PCDH15: variants seen among roughly 807,000 people sequenced by gnomAD.
PCDH15 encodes the protein protocadherin related 15, also known as protocadherin-15.
In PCDH15, 129 loss-of-function variants were observed where a neutral mutation model predicts 178.5. The observed-to-expected ratio is 0.72, with a 90% CI of 0.63 to 0.84. The LOEUF (loss-of-function observed/expected upper bound fraction) is 0.84, where lower values mean the gene tolerates loss of function less well. Among genes scored for constraint, PCDH15 ranks in the 40% least tolerant of loss-of-function variants. The pLI is 0.00. For missense variants in PCDH15, 2,230 were observed against 2,099.9 expected (o/e 1.06, Z -1.21); for synonymous variants, 800 against 732.0 (o/e 1.09, Z -1.50).
chr10:55,051,398 A>T (rs2131988060), intron 2 of PCDH15, among the ~76,000 whole-genome samples: 1 of 152,278 alleles, frequency 6.6e-6, no homozygotes, highest in Non-Finnish European at 1.5e-5. Flanking sequence ...AACAGTAGCA[A>T]TACCATTCTT....
chr10:55,434,195 C>T lies in PCDH15; in HGVS notation c.-156+193430G>A, dbSNP rs887797136. ...TCCCGGGTTCACGCCATTCTCCTGC[C>T]TCAGCCTCCCTACAGGCGCCTGCCG... On this transcript the variant is annotated intron_variant, in intron 2 of 5. Coordinates refer to the PCDH15 transcript ENST00000613346. 5.5e-5 allele frequency among the ~76,000 whole-genome samples: 8 copies of T among 146,480 alleles called. No homozygotes were observed. The East Asian group carries it at 1.5e-3, about 27-fold the overall frequency.
At chr10:55,424,812 A>G in intron 2 of PCDH15, among the ~76,000 whole-genome samples, 1 of 152,190 alleles carries the variant, frequency 6.6e-6, no homozygotes, top group Admixed American at 6.5e-5. Flanking sequence ...ATCAATTTCT[A>G]GGCCTCTGCT....
chr10:55,024,511 A>G (rs1424635349), intron 2 of PCDH15, among the ~76,000 whole-genome samples: 1 of 151,398 alleles, frequency 6.6e-6, no homozygotes, highest in Non-Finnish European at 1.5e-5. Flanking sequence ...ATTCAGATGT[A>G]AATTCCATAC....
intron 1 of PCDH15, among the ~76,000 whole-genome samples, chr10:55,219,941 A>G (rs1462433602): frequency 6.6e-6 from 1 of 151,722 alleles, no homozygotes; most frequent in Non-Finnish European, 1.5e-5. Flanking sequence ...TAGGTCATCA[A>G]TAAATGTTCT....
Position 54,329,675 on chromosome 10 carries a change from A to G in PCDH15, c.626T>C (p.Met209Thr), listed in dbSNP as rs1939015612. Residue 209 changes from methionine to threonine, a missense_variant, in exon 7 of 38, where the codon ATG becomes ACG. Met to Thr is a moderately conservative substitution (Grantham distance 81). Transcript: ENST00000644397. ...CCTTAACACTATATTTCCAGTCAAC[A>G]TTAGGGGAATTTCAAAGGTGTCATT... Reference protein sequence around the residue: ...TSNDTFEIPLMLTGNIVLRKR... With the variant: ...TSNDTFEIPLTLTGNIVLRKR... 3.7e-6 allele frequency: 6 copies of G among 1,606,698 alleles called. No homozygotes were observed. The highest frequency in any genetic ancestry group is 1.7e-4 in the Middle Eastern group (1 of 6,036).
intron 14 of PCDH15, among the ~76,000 whole-genome samples, chr10:54,141,091 T>C (rs771439351): frequency 2.7e-5 from 4 of 150,880 alleles, no homozygotes; most frequent in Admixed American, 6.6e-5. Context: ...TATACATATA[T>C]GTATATATAT....
At chr10:55,127,455 T>C (rs1384165620) in intron 2 of PCDH15, among the ~76,000 whole-genome samples, 1 of 152,078 alleles carries the variant, frequency 6.6e-6, no homozygotes, top group African/African-American at 2.4e-5. Context: ...CATATCCACA[T>C]ATCTATAGAA....
At chr10:54,651,974 CAAAAAAA>C (rs11358827) in intron 2 of PCDH15, among the ~76,000 whole-genome samples, 1 of 134,756 alleles carries the variant, frequency 7.4e-6, no homozygotes. Context: ...ATTTCAATGA[CAAAAAAA>C]AAAAACCACA....
At chr10:53,924,544 C>G (rs2084314733) in intron 25 of PCDH15, among the ~76,000 whole-genome samples, 1 of 152,228 alleles carries the variant, frequency 6.6e-6, no homozygotes, top group Non-Finnish European at 1.5e-5. Context: ...CATCAACCGC[C>G]CAAGGGCTGA....
intron 1 of PCDH15, among the ~76,000 whole-genome samples, chr10:54,673,236 G>A (rs569918538): frequency 3.5e-5 from 5 of 144,614 alleles, no homozygotes; most frequent in Non-Finnish European, 7.6e-5. Flanking sequence ...CCCCACCCCC[G>A]CGACAGGCCC....
chr10:54,875,082 G>A (rs930863220), intron 3 of PCDH15, among the ~76,000 whole-genome samples: 2 of 152,092 alleles, frequency 1.3e-5, no homozygotes, highest in Non-Finnish European at 2.9e-5. Flanking sequence ...CCCCGTGTGA[G>A]CAACTCTATC....
chr10:54,007,895 G>A (rs2135113768), intron 20 of PCDH15, among the ~76,000 whole-genome samples: 1 of 152,254 alleles, frequency 6.6e-6, no homozygotes, highest in African/African-American at 2.4e-5. Context: ...CAACAAAACA[G>A]CTTTTCAGTA....
chr10:54,668,902 G>T lies in PCDH15; in HGVS notation c.-28-4612C>A, dbSNP rs7901762. ...GTATGCAGTCTGCCCTTCAACAGTT[G>T]GTTCAGCCAAATTACTGTTATTCTT... On this transcript the variant is annotated intron_variant, in intron 1 of 37. Coordinates refer to ENST00000644397, the MANE Select transcript of PCDH15 (RefSeq NM_001384140.1). Among the ~76,000 whole-genome samples, 251 of 152,172 alleles carry T rather than the reference G, an allele frequency of 1.6e-3. 4 individuals carry two copies. The highest frequency in any genetic ancestry group is 5.7e-3 in the African/African-American group (235 of 41,492).
At chr10:54,513,618 T>C (rs990438445) in intron 3 of PCDH15, among the ~76,000 whole-genome samples, 6 of 152,204 alleles carry the variant, frequency 3.9e-5, no homozygotes, top group African/African-American at 1.4e-4. Flanking sequence ...TCACACTATG[T>C]ATTTTTATAC....
At chr10:54,225,771 A>G (rs2053368648) in intron 9 of PCDH15, among the ~76,000 whole-genome samples, 1 of 152,238 alleles carries the variant, frequency 6.6e-6, no homozygotes, top group Non-Finnish European at 1.5e-5. Flanking sequence ...TTAGGGGCAT[A>G]GACCCATGCT....
chr10:54,540,417 G>T (rs2085079069), intron 2 of PCDH15, among the ~76,000 whole-genome samples: 1 of 152,060 alleles, frequency 6.6e-6, no homozygotes, highest in African/African-American at 2.4e-5. Context: ...ACAGGAAATG[G>T]ATATATTCCT....
intron 2 of PCDH15, among the ~76,000 whole-genome samples, chr10:55,093,370 A>G (rs1842364429): frequency 6.6e-6 from 1 of 151,964 alleles, no homozygotes; most frequent in Non-Finnish European, 1.5e-5. Flanking sequence ...AAGTCTTTAA[A>G]AATTAGGTAG....
intron 2 of PCDH15, among the ~76,000 whole-genome samples, chr10:54,923,022 T>TGTTATTTTTTTTTACCTTTTAAAA (rs1564632809): frequency 2.8e-5 from 4 of 140,814 alleles, no homozygotes; most frequent in Non-Finnish European, 3.3e-5. Flanking sequence ...GACTTCTGCC[T>TGTTATTTTTTTTTACCTTTTAAAA]AGACACTCAA....
intron 3 of PCDH15, among the ~76,000 whole-genome samples, chr10:54,508,686 G>T (rs1278129543): frequency 1.3e-5 from 2 of 152,084 alleles, no homozygotes; most frequent in Non-Finnish European, 2.9e-5. Context: ...AAAGCACAGT[G>T]GACATAAAGA....
Sources: gnomAD v4.1 joint callset for allele counts (sites outside exome capture counted in the v4.1 genomes callset) on GRCh38, gnomAD v4.1.1 for gene constraint, MANE v1.5 for transcripts, NCBI Gene and HGNC (gene_info 2026-07-23, HGNC 2026-07-21) for gene names.